The following FAM168A variants were observed in gnomAD, a reference collection of about 807,000 sequenced individuals.
FAM168A encodes the protein protein FAM168A.
In FAM168A, 3 loss-of-function variants were observed where a neutral mutation model predicts 28.5. That is an observed-to-expected ratio of 0.11 (90% CI 0.05 to 0.27). FAM168A has a LOEUF of 0.27. FAM168A is among the 10% of genes least tolerant of loss of function. FAM168A has a pLI of 1.00. For missense variants in FAM168A, 222 were observed against 311.5 expected (o/e 0.71, Z 2.16); for synonymous variants, 122 against 124.2 (o/e 0.98, Z 0.12).
At chr11:73,581,402 T>G (rs1449028716) in intron 1 of FAM168A, among the ~76,000 whole-genome samples, 1 of 152,234 alleles carries the variant, frequency 6.6e-6, no homozygotes, top group Non-Finnish European at 1.5e-5. Flanking sequence ...TATATCACAT[T>G]TATGAGCTTC....
intron 1 of FAM168A, among the ~76,000 whole-genome samples, chr11:73,485,310 G>A (rs1294733452): frequency 2.6e-5 from 4 of 152,082 alleles, no homozygotes; most frequent in African/African-American, 9.7e-5. Context: ...CTGGATCTAG[G>A]AGAAACAAAT....
rs548499788 is a variant in FAM168A at position 73,429,182 on chromosome 11, C to G, written c.151+1508G>C. Among the ~76,000 whole-genome samples, 4 of 152,080 alleles carry G rather than the reference C, an allele frequency of 2.6e-5. No individual in the cohort carries two copies. In the South Asian group the frequency reaches 8.3e-4, roughly 32 times the overall value. Reference sequence around the variant, plus strand: ...GTCTTCAGACAACCTGTATTCTTTTCTCCTTTAAGTAAGCCCCAAGAAAGA... The same window carrying G: ...GTCTTCAGACAACCTGTATTCTTTTGTCCTTTAAGTAAGCCCCAAGAAAGA... On this transcript the variant is annotated intron_variant, in intron 3 of 7. Coordinates refer to ENST00000356467, the MANE Select transcript of FAM168A (RefSeq NM_015159.3).
chr11:73,426,874 T>A (rs1226005762), intron 3 of FAM168A, among the ~76,000 whole-genome samples: 2 of 152,208 alleles, frequency 1.3e-5, no homozygotes, highest in African/African-American at 4.8e-5. Flanking sequence ...TTATGGATTT[T>A]GTGTGTTTTT....
chr11:73,528,165 T>C (rs906661179), intron 1 of FAM168A, among the ~76,000 whole-genome samples: 4 of 152,108 alleles, frequency 2.6e-5, no homozygotes, highest in Admixed American at 2.6e-4. Flanking sequence ...GAACAGAATC[T>C]CTCCCAGGCC....
chr11:73,418,492 A>G (rs148213538), intron 4 of FAM168A, among the ~76,000 whole-genome samples: 1 of 152,380 alleles, frequency 6.6e-6, no homozygotes, highest in African/African-American at 2.4e-5. Flanking sequence ...TAAGCCAATT[A>G]AACCTCTTTT....
intron 4 of FAM168A, chr11:73,412,203 G>GAGAT (rs1458045583): frequency 6.7e-6 from 1 of 148,434 alleles, no homozygotes; most frequent in Non-Finnish European, 1.5e-5. Flanking sequence ...ACACCATTCA[G>GAGAT]AGATCGTCAT....
intron 2 of FAM168A, 42 bp from the exon 3 acceptor site, chr11:73,430,812 A>G: frequency 7.6e-7 from 1 of 1,323,848 alleles, no homozygotes; most frequent in Non-Finnish European, 1.0e-6. Flanking sequence ...TAGGCAAAAA[A>G]AACAAAACAA....
At chr11:73,448,588 T>C (rs1867367255) in intron 2 of FAM168A, among the ~76,000 whole-genome samples, 1 of 152,180 alleles carries the variant, frequency 6.6e-6, no homozygotes, top group Admixed American at 6.5e-5. Flanking sequence ...AAATACTCAC[T>C]TTCCCAGCTT....
chr11:73,496,283 G>A (rs1590815476), intron 1 of FAM168A, among the ~76,000 whole-genome samples: 1 of 152,312 alleles, frequency 6.6e-6, no homozygotes, highest in East Asian at 1.9e-4. Flanking sequence ...CTTAGAAACA[G>A]AAAGTAAAAT....
At chr11:73,454,340 A>G (rs1341467922) in intron 2 of FAM168A, among the ~76,000 whole-genome samples, 1 of 152,230 alleles carries the variant, frequency 6.6e-6, no homozygotes, top group Non-Finnish European at 1.5e-5. Flanking sequence ...AGCCCCTCAT[A>G]GCCTAGATGG....
chr11:73,588,800 G>C (rs1046719717), intron 1 of FAM168A, among the ~76,000 whole-genome samples: 6 of 152,142 alleles, frequency 3.9e-5, no homozygotes, highest in African/African-American at 1.4e-4. Flanking sequence ...ACATCCTTTG[G>C]GAGATAATTA....
intron 1 of FAM168A, among the ~76,000 whole-genome samples, chr11:73,583,741 T>C (rs1328625154): frequency 6.6e-6 from 1 of 152,198 alleles, no homozygotes; most frequent in East Asian, 1.9e-4. Context: ...TCTGAAGAAC[T>C]GCAGACATAG....
chr11:73,432,175 T>C (rs1209470576), intron 2 of FAM168A, among the ~76,000 whole-genome samples: 2 of 152,214 alleles, frequency 1.3e-5, no homozygotes, highest in Admixed American at 1.3e-4. Flanking sequence ...CGTTCATCTG[T>C]TGAGGGACGC....
chr11:73,480,209 AG>A (rs1867948742), intron 1 of FAM168A, among the ~76,000 whole-genome samples: 1 of 152,180 alleles, frequency 6.6e-6, no homozygotes, highest in African/African-American at 2.4e-5. Context: ...TTCATGCAAA[AG>A]CTCAACACCC....
At chr11:73,440,040 C>A (rs887254056) in intron 2 of FAM168A, among the ~76,000 whole-genome samples, 4 of 151,952 alleles carry the variant, frequency 2.6e-5, no homozygotes, top group Non-Finnish European at 4.4e-5. Flanking sequence ...CGCCTGCCAC[C>A]GCGCCCAGCT....
chr11:73,513,804 A>C (rs1855275239), intron 1 of FAM168A, among the ~76,000 whole-genome samples: 1 of 152,136 alleles, frequency 6.6e-6, no homozygotes, highest in Non-Finnish European at 1.5e-5. Context: ...ACAAACCCAG[A>C]ATATGTGAAT....
intron 1 of FAM168A, among the ~76,000 whole-genome samples, chr11:73,581,012 C>T (rs1233534281): frequency 6.6e-6 from 1 of 152,208 alleles, no homozygotes; most frequent in Non-Finnish European, 1.5e-5. Context: ...AGCAGTGGTT[C>T]CGTTTCTAGA....
intron 1 of FAM168A, among the ~76,000 whole-genome samples, chr11:73,528,802 C>T (rs758478150): frequency 1.3e-5 from 2 of 152,104 alleles, no homozygotes; most frequent in Non-Finnish European, 2.9e-5. Context: ...ATCCTAAATA[C>T]TTTACTGAGA....
intron 1 of FAM168A, among the ~76,000 whole-genome samples, chr11:73,579,131 G>C (rs1191694613): frequency 6.6e-6 from 1 of 152,104 alleles, no homozygotes; most frequent in Non-Finnish European, 1.5e-5. Flanking sequence ...CACTTATAGA[G>C]CTCCATCCTA....
Sources: allele counts gnomAD v4.1 joint callset (sites outside exome capture counted in the v4.1 genomes callset), GRCh38; gene constraint gnomAD v4.1.1; transcripts MANE v1.5; gene names NCBI Gene and HGNC (gene_info 2026-07-23, HGNC 2026-07-21).